Variants in MGAT4C observed in about 807,000 individuals in gnomAD.
MGAT4C encodes the protein MGAT4 family member C.
Under a neutral mutation model 40.1 loss-of-function variants are expected in MGAT4C, and 19 were observed. The ratio of observed to expected loss-of-function variants is 0.47; its 90% CI spans 0.33 to 0.70. MGAT4C has a LOEUF of 0.70. Among genes scored for constraint, MGAT4C ranks in the 30% least tolerant of loss-of-function variants. The pLI is 0.02. For synonymous variants in MGAT4C, 181 were observed against 187.1 expected (o/e 0.97, Z 0.27); for missense variants, 491 against 563.2 (o/e 0.87, Z 1.30).
chr12:86,039,867 C>A (rs11532389), intron 2 of MGAT4C, among the ~76,000 whole-genome samples: 40,141 of 152,078 alleles, frequency 0.26, 6,270 homozygotes, highest in South Asian at 0.39. Flanking sequence ...GATTTATCTA[C>A]CTTTGATCTT....
intron 1 of MGAT4C, among the ~76,000 whole-genome samples, chr12:86,239,603 A>G (rs980427111): frequency 2.6e-5 from 4 of 152,110 alleles, no homozygotes; most frequent in Non-Finnish European, 4.4e-5. Flanking sequence ...TGTGGAAAGT[A>G]GGAAGAGAAA....
chr12:86,074,914 A>G (rs1335583866), intron 1 of MGAT4C, among the ~76,000 whole-genome samples: 1 of 152,178 alleles, frequency 6.6e-6, no homozygotes, highest in Non-Finnish European at 1.5e-5. Flanking sequence ...ACATGGGGGA[A>G]TTATGGAAGC....
At chr12:86,681,416 T>G (rs1489570500) in intron 2 of MGAT4C, among the ~76,000 whole-genome samples, 1 of 151,990 alleles carries the variant, frequency 6.6e-6, no homozygotes, top group Non-Finnish European at 1.5e-5. Context: ...TATTGAAAGC[T>G]TACCTACATT....
At chr12:86,432,988 A>C (rs1957069722) in intron 3 of MGAT4C, among the ~76,000 whole-genome samples, 1 of 152,016 alleles carries the variant, frequency 6.6e-6, no homozygotes, top group African/African-American at 2.4e-5. Flanking sequence ...AGATATCTTC[A>C]TATAAAGCAG....
intron 1 of MGAT4C, among the ~76,000 whole-genome samples, chr12:86,828,971 T>C (rs1024803154): frequency 1.3e-5 from 2 of 151,604 alleles, no homozygotes; most frequent in Admixed American, 1.3e-4. Flanking sequence ...TTGACTTATA[T>C]GCTTAAAGAA....
intron 1 of MGAT4C, among the ~76,000 whole-genome samples, chr12:86,051,316 T>C (rs899683865): frequency 6.6e-6 from 1 of 152,006 alleles, no homozygotes; most frequent in Non-Finnish European, 1.5e-5. Context: ...AACTAGTTCA[T>C]GAATTTTGTG....
intron 1 of MGAT4C, among the ~76,000 whole-genome samples, chr12:86,052,783 G>A (rs7979846): frequency 0.23 from 34,983 of 151,772 alleles, 4,939 homozygotes; most frequent in African/African-American, 0.4. Context: ...ATTCTTCACT[G>A]TCAAGAGAAA....
intron 1 of MGAT4C, among the ~76,000 whole-genome samples, chr12:86,249,199 T>A (rs1385878698): frequency 6.6e-6 from 1 of 152,150 alleles, no homozygotes; most frequent in Non-Finnish European, 1.5e-5. Flanking sequence ...CCCTAGTTCA[T>A]GTTTGCTCAA....
chr12:86,519,767 T>C (rs1053576255), intron 2 of MGAT4C, among the ~76,000 whole-genome samples: 3 of 152,164 alleles, frequency 2.0e-5, no homozygotes, highest in Non-Finnish European at 4.4e-5. Flanking sequence ...CATTGTTTTC[T>C]TTTGCTATTT....
chr12:86,782,435 C>A (rs1565987047), intron 1 of MGAT4C, among the ~76,000 whole-genome samples: 1 of 152,024 alleles, frequency 6.6e-6, no homozygotes. Context: ...CCCGCCTCGG[C>A]CTCCTAAAGT....
chr12:86,343,327 A>G (rs1954941989), intron 3 of MGAT4C, among the ~76,000 whole-genome samples: 2 of 152,336 alleles, frequency 1.3e-5, no homozygotes, highest in South Asian at 4.1e-4. Flanking sequence ...GTTTTGATCA[A>G]TGTATCGTCA....
At chr12:86,243,258 C>T (rs1160194465) in intron 1 of MGAT4C, among the ~76,000 whole-genome samples, 1 of 152,172 alleles carries the variant, frequency 6.6e-6, no homozygotes, top group Non-Finnish European at 1.5e-5. Context: ...TGGGTGAGCT[C>T]TGCTACTTGC....
At chr12:86,343,080 T>C (rs1014320777) in intron 3 of MGAT4C, among the ~76,000 whole-genome samples, 1 of 152,166 alleles carries the variant, frequency 6.6e-6, no homozygotes, top group African/African-American at 2.4e-5. Flanking sequence ...CTCAGGATTC[T>C]TGCTGCTTTG....
At chr12:86,545,135 T>C (rs1308709023) in intron 2 of MGAT4C, among the ~76,000 whole-genome samples, 1 of 152,002 alleles carries the variant, frequency 6.6e-6, no homozygotes, top group Admixed American at 6.6e-5. Context: ...TTTGTTACAG[T>C]ATTCCTTTCA....
At chr12:86,434,007 A>G (rs1957093059) in intron 3 of MGAT4C, among the ~76,000 whole-genome samples, 1 of 152,090 alleles carries the variant, frequency 6.6e-6, no homozygotes, top group Non-Finnish European at 1.5e-5. Context: ...TCAGATAAGC[A>G]TGAATTTTTA....
chr12:86,599,295 C>A (rs544618126), intron 2 of MGAT4C, among the ~76,000 whole-genome samples: 30 of 152,170 alleles, frequency 2.0e-4, no homozygotes, highest in Non-Finnish European at 2.9e-4. Flanking sequence ...TTCACATTTT[C>A]CTGGCAGATT....
chr12:86,006,742 C>A lies in MGAT4C; in HGVS notation c.-6-17190G>T, dbSNP rs544849139. ...CCACCATCCCTCAAGTAATGACTGA[C>A]AAATCTATCTTGCCTTAAGCAAGAA... is the stretch of plus-strand genomic sequence containing the variant. On this transcript the variant is annotated intron_variant, in intron 2 of 4. Transcript: ENST00000611864. Among the ~76,000 whole-genome samples, 3 of 152,310 alleles carry A rather than the reference C, an allele frequency of 2.0e-5. 1 individual carries two copies. The highest frequency in any genetic ancestry group is 1.3e-4 in the Admixed American group (2 of 15,298).
chr12:86,399,961 T>C (rs1188222491), intron 3 of MGAT4C, among the ~76,000 whole-genome samples: 1 of 152,184 alleles, frequency 6.6e-6, no homozygotes, highest in Non-Finnish European at 1.5e-5. Context: ...GATTTATAGC[T>C]GGTAGGTCAA....
intron 2 of MGAT4C, among the ~76,000 whole-genome samples, chr12:86,524,811 C>T (rs1371664884): frequency 6.6e-6 from 1 of 152,058 alleles, no homozygotes; most frequent in Admixed American, 6.6e-5. Context: ...TTTCAGAAAG[C>T]CAGTATTCAG....
Sources: gnomAD v4.1 joint callset for allele counts (sites outside exome capture counted in the v4.1 genomes callset) on GRCh38, gnomAD v4.1.1 for gene constraint, MANE v1.5 for transcripts, NCBI Gene and HGNC (gene_info 2026-07-23, HGNC 2026-07-21) for gene names.